Variants in LSAMP observed in about 807,000 individuals in gnomAD.
LSAMP encodes limbic system associated membrane protein, also known as limbic system-associated membrane protein.
In LSAMP, 7 loss-of-function variants were observed where a neutral mutation model predicts 38.6. The observed-to-expected ratio is 0.18, with a 90% CI of 0.10 to 0.34. The LOEUF (loss-of-function observed/expected upper bound fraction) is 0.34. Among genes scored for constraint, LSAMP ranks in the 10% least tolerant of loss-of-function variants. The pLI is 1.00. For synonymous variants in LSAMP, 154 were observed against 166.8 expected (o/e 0.92, Z 0.59); for missense variants, 313 against 420.0 (o/e 0.75, Z 2.23).
intron 2 of LSAMP, among the ~76,000 whole-genome samples, chr3:116,073,659 A>G (rs1022573823): frequency 1.3e-5 from 2 of 152,144 alleles, no homozygotes; most frequent in Admixed American, 1.3e-4. Flanking sequence ...TGACTTTTGC[A>G]TATCAATTTT....
At chr3:116,100,803 A>C (rs1708329863) in intron 1 of LSAMP, among the ~76,000 whole-genome samples, 1 of 151,718 alleles carries the variant, frequency 6.6e-6, no homozygotes, top group Non-Finnish European at 1.5e-5. Context: ...TTGACATTAC[A>C]CTCCTTTTGC....
At chr3:115,839,845 CT>C (rs1411497433) in intron 6 of LSAMP, among the ~76,000 whole-genome samples, 1 of 152,240 alleles carries the variant, frequency 6.6e-6, no homozygotes, top group African/African-American at 2.4e-5. Context: ...ATAGGATACA[CT>C]TGTCTGATCA....
At chr3:116,086,858 C>T (rs939238826) in intron 1 of LSAMP, among the ~76,000 whole-genome samples, 1 of 152,118 alleles carries the variant, frequency 6.6e-6, no homozygotes, top group Non-Finnish European at 1.5e-5. Flanking sequence ...TAGGAAAAGG[C>T]CACTCACTCA....
intron 1 of LSAMP, among the ~76,000 whole-genome samples, chr3:116,162,568 G>C (rs1709919321): frequency 1.3e-5 from 2 of 151,820 alleles, no homozygotes; most frequent in Non-Finnish European, 1.5e-5. Flanking sequence ...TTGTTTTTCT[G>C]TCTATACAGG....
In LSAMP at chr3:115,818,787, C is replaced by CTT. The variant is rs1559834664; in HGVS notation, c.920-8375_920-8374dup. 3.7e-4 allele frequency among the ~76,000 whole-genome samples: 9 copies of CTT among 24,508 alleles called. No individual in the cohort carries two copies. The East Asian group carries it at 9.6e-3, about 26-fold the overall frequency. 16.1% of individuals were successfully genotyped at this position (24,508 alleles called of 152,430 possible). A position where few individuals can be genotyped will look rare whatever the true frequency, so the allele number is the denominator to read the frequency against. On this transcript the variant is annotated intron_variant, in intron 6 of 6. Transcript: ENST00000490035. ...TATATAAGAAAGAAGGAAAGTTGTA[C>CTT]TTTTATATATATATATATATATATA...
intron 2 of LSAMP, among the ~76,000 whole-genome samples, chr3:116,059,564 G>T (rs1229695118): frequency 6.6e-6 from 1 of 152,156 alleles, no homozygotes; most frequent in Non-Finnish European, 1.5e-5. Flanking sequence ...GGATAAAGGT[G>T]CAGCACAGTT....
At chr3:116,401,083 A>G (rs768843408) in intron 1 of LSAMP, among the ~76,000 whole-genome samples, 47 of 152,210 alleles carry the variant, frequency 3.1e-4, no homozygotes, top group Non-Finnish European at 5.7e-4. Flanking sequence ...CCTGGCCTCC[A>G]GGACATCCAG....
At chr3:116,298,692 C>T (rs1045185772) in intron 1 of LSAMP, among the ~76,000 whole-genome samples, 6 of 152,174 alleles carry the variant, frequency 3.9e-5, no homozygotes, top group Admixed American at 6.5e-5. Context: ...GGCACAGTTT[C>T]ACTTTATTTT....
At position 115,962,216 on chromosome 3, in the gene LSAMP, G is replaced by A. The variant is rs564688114; in HGVS notation, c.514+57299C>T. ...AATCCTGGGATGAAGAATTATAGAAGTTACTATCTCCTGCATGCTGGCTGT... is the reference window on the plus strand; with the variant it reads ...AATCCTGGGATGAAGAATTATAGAAATTACTATCTCCTGCATGCTGGCTGT... On this transcript the variant is annotated intron_variant, in intron 3 of 6. Transcript: ENST00000490035. Among the ~76,000 whole-genome samples, 3 of 152,312 alleles carry A rather than the reference G, an allele frequency of 2.0e-5. No homozygotes were observed. In the South Asian group the frequency reaches 6.2e-4, roughly 32 times the overall value.
intron 3 of LSAMP, among the ~76,000 whole-genome samples, chr3:115,924,735 A>C (rs1937459948): frequency 6.6e-6 from 1 of 152,190 alleles, no homozygotes; most frequent in Non-Finnish European, 1.5e-5. Flanking sequence ...ACCTACATTA[A>C]AAATTATGCT....
rs570328855 is a variant in LSAMP, at chr3:116,061,989, A to AT, written c.388+24334dup. Among the ~76,000 whole-genome samples the AT allele has an allele frequency of 1.2e-4, 19 of 152,286 alleles. No homozygotes were observed. The East Asian group carries it at 2.9e-3, about 23-fold the overall frequency. On this transcript the variant is annotated intron_variant, in intron 2 of 6. Coordinates refer to ENST00000490035, the MANE Select transcript of LSAMP (RefSeq NM_002338.5). Reference sequence around the variant, plus strand: ...GGCACTTACTCCAAATAATTACAACATTTTTTTCCTGAGGAATTGGACTAG... The same window carrying AT: ...GGCACTTACTCCAAATAATTACAACATTTTTTTTCCTGAGGAATTGGACTAG...
intron 3 of LSAMP, among the ~76,000 whole-genome samples, chr3:115,904,685 T>C (rs906620131): frequency 3.9e-5 from 6 of 152,158 alleles, no homozygotes; most frequent in African/African-American, 9.6e-5. Context: ...TTAGGGACAC[T>C]CAGGGTTTCT....
chr3:115,991,102 A>G (rs1481755377), intron 3 of LSAMP, among the ~76,000 whole-genome samples: 1 of 152,086 alleles, frequency 6.6e-6, no homozygotes, highest in African/African-American at 2.4e-5. Context: ...ATCACTTTAA[A>G]AAAGTATTTT....
At chr3:116,170,466 A>T (rs1292550430) in intron 1 of LSAMP, among the ~76,000 whole-genome samples, 1 of 152,202 alleles carries the variant, frequency 6.6e-6, no homozygotes, top group African/African-American at 2.4e-5. Context: ...GGCACTGGAT[A>T]AAAAAGTTAT....
chr3:116,296,962 A>G (rs1308804443), intron 1 of LSAMP, among the ~76,000 whole-genome samples: 5 of 152,154 alleles, frequency 3.3e-5, no homozygotes, highest in Non-Finnish European at 7.4e-5. Flanking sequence ...TAAATTAAAA[A>G]CAACATGTTC....
intron 1 of LSAMP, among the ~76,000 whole-genome samples, chr3:116,112,619 T>C (rs1000305533): frequency 6.6e-5 from 10 of 152,144 alleles, no homozygotes; most frequent in African/African-American, 1.7e-4. Context: ...TTTGGTAGCA[T>C]AGGAACCAGC....
At chr3:115,952,066 A>G (rs940005848) in intron 3 of LSAMP, among the ~76,000 whole-genome samples, 1 of 152,192 alleles carries the variant, frequency 6.6e-6, no homozygotes, top group African/African-American at 2.4e-5. Flanking sequence ...TCAAAAAATA[A>G]CAGATGTTGG....
At chr3:116,055,136 T>C (rs1444935867) in intron 2 of LSAMP, among the ~76,000 whole-genome samples, 1 of 152,198 alleles carries the variant, frequency 6.6e-6, no homozygotes, top group Non-Finnish European at 1.5e-5. Context: ...TGTGTGTTAC[T>C]CAGAGATTTA....
intron 1 of LSAMP, among the ~76,000 whole-genome samples, chr3:116,137,637 A>G (rs1709281026): frequency 6.6e-6 from 1 of 152,120 alleles, no homozygotes; most frequent in South Asian, 2.1e-4. Flanking sequence ...TTTTATGGCT[A>G]CCCCAGCTAA....
Sources: allele counts gnomAD v4.1 joint callset (sites outside exome capture counted in the v4.1 genomes callset), GRCh38; gene constraint gnomAD v4.1.1; transcripts MANE v1.5; gene names NCBI Gene and HGNC (gene_info 2026-07-23, HGNC 2026-07-21).